The following MGARP variants were observed in gnomAD, a reference collection of about 807,000 sequenced individuals.
MGARP encodes protein MGARP.
Under a neutral mutation model 11.0 loss-of-function variants are expected in MGARP, and 12 were observed. The ratio of observed to expected loss-of-function variants is 1.09; its 90% CI spans 0.70 to 1.77. The LOEUF is 1.77. Among genes scored for constraint, MGARP ranks in the 40% most tolerant of loss-of-function variants. The probability of loss-of-function intolerance (pLI) is 0.00; values close to 1 mark genes in which losing one functional copy is unlikely to be tolerated. For missense variants in MGARP, 283 were observed against 297.8 expected, an observed-to-expected ratio of 0.95 and a Z score of 0.36; for synonymous variants, 110 against 115.4, an observed-to-expected ratio of 0.95 and a Z score of 0.30.
chr4:139,275,944 G>A (rs906821376), intron 1 of MGARP, among the ~76,000 whole-genome samples: 6 of 152,078 alleles, frequency 3.9e-5, no homozygotes, highest in South Asian at 2.1e-4. Context: ...CAGATAAAAC[G>A]TTTTTAAGCC....
rs757852782 is a variant in MGARP at position 139,266,656 on chromosome 4, T to C, written c.666A>G (p.Gly222=). ...NSPAESESSA[G]DDLQEEASVG... is the part of the protein sequence containing the mutation. ...CACTGGCTTCCTCCTGTAAATCATCTCCAGCAGAGGACTCTGACTCAGCTG... is the reference window on the plus strand; with the variant it reads ...CACTGGCTTCCTCCTGTAAATCATCCCCAGCAGAGGACTCTGACTCAGCTG... Residue 222 remains glycine, a synonymous_variant, in exon 4 of 4, where the codon GGA becomes GGG. Transcript: ENST00000398955. The C allele has an allele frequency of 3.1e-6, 5 of 1,614,114 alleles. No homozygotes were observed. The highest frequency in any genetic ancestry group is 4.2e-6 in the Non-Finnish European group (5 of 1,180,008).
chr4:139,269,529 G>A (rs574955374), intron 2 of MGARP, among the ~76,000 whole-genome samples: 52 of 151,694 alleles, frequency 3.4e-4, no homozygotes, highest in Non-Finnish European at 5.4e-4. Flanking sequence ...TACTCAGAAG[G>A]CTGAGGTGGG....
At chr4:139,270,255 G>A (rs1744758119) in intron 2 of MGARP, among the ~76,000 whole-genome samples, 1 of 146,306 alleles carries the variant, frequency 6.8e-6, no homozygotes, top group Non-Finnish European at 1.5e-5. Flanking sequence ...AGCCGAGATC[G>A]CACCATTGCA....
rs777009483 is a variant in MGARP, at chr4:139,280,165, C to T, written c.-7G>A. On this transcript the variant is annotated 5_prime_UTR_variant, in exon 1 of 4. Coordinates refer to ENST00000398955, the MANE Select transcript of MGARP (RefSeq NM_032623.4). ...CCGCCCTGCGGAGATACATCGCGCC[C>T]GCTGTCCGCCGCGCAGCAGCCTCGG... 3 of 1,604,770 alleles carry T rather than the reference C, an allele frequency of 1.9e-6. No individual in the cohort carries two copies. Among genetic ancestry groups the T allele is most frequent in the African/African-American group, 2.7e-5 (2 of 74,540 alleles).
At chr4:139,280,020 G>C in intron 1 of MGARP, 57 bp downstream of exon 1, 1 of 1,583,448 alleles carries the variant, frequency 6.3e-7, no homozygotes, top group East Asian at 2.3e-5. Context: ...CCTGGCGCGG[G>C]CGAAATCTGC....
intron 2 of MGARP, among the ~76,000 whole-genome samples, chr4:139,271,880 G>A (rs973378346): frequency 3.9e-5 from 6 of 152,160 alleles, no homozygotes; most frequent in Non-Finnish European, 5.9e-5. Flanking sequence ...GGGATGGCTG[G>A]TTTATAAATG....
At chr4:139,273,402 T>C (rs1435657072) in intron 2 of MGARP, among the ~76,000 whole-genome samples, 2 of 151,976 alleles carry the variant, frequency 1.3e-5, no homozygotes, top group African/African-American at 2.4e-5. Context: ...TTATTTTTTA[T>C]TGTAGAAATG....
intron 2 of MGARP, 108 bp downstream of exon 2, chr4:139,275,180 TG>T: frequency 2.5e-6 from 2 of 803,170 alleles, no homozygotes; most frequent in Middle Eastern, 2.3e-4. Context: ...TCTATTGCTA[TG>T]TTGTATATTT....
chr4:139,275,228 G>A, intron 2 of MGARP, 61 bp downstream of exon 2: 2 of 1,393,116 alleles, frequency 1.4e-6, no homozygotes, highest in South Asian at 1.2e-5. Flanking sequence ...GTTGCTTTGA[G>A]CTTTACCATG....
chr4:139,266,665 G>C lies in MGARP; in HGVS notation c.657C>G (p.Ser219=), dbSNP rs1366368731. Residue 219 remains serine (S), a synonymous_variant, in exon 4 of 4, where the codon TCC becomes TCG. Coordinates refer to ENST00000398955, the MANE Select transcript of MGARP (RefSeq NM_032623.4). Reference sequence around the variant, plus strand: ...CCTCCTGTAAATCATCTCCAGCAGAGGACTCTGACTCAGCTGGAGAATTTT... The same window carrying C: ...CCTCCTGTAAATCATCTCCAGCAGACGACTCTGACTCAGCTGGAGAATTTT... ...EEENSPAESE[S]SAGDDLQEEA... 1 of 1,614,000 alleles carries C rather than the reference G, an allele frequency of 6.2e-7. No individual in the cohort carries two copies. Among genetic ancestry groups the C allele is most frequent in the Non-Finnish European group, 8.5e-7 (1 of 1,180,042 alleles).
At chr4:139,278,583 CGT>C (rs150505211) in intron 1 of MGARP, among the ~76,000 whole-genome samples, 38 of 150,834 alleles carry the variant, frequency 2.5e-4, no homozygotes, top group African/African-American at 7.0e-4. Flanking sequence ...AAAAGGTGCG[CGT>C]GTGTGTGTGT....
At chr4:139,277,948 C>T (rs1420481672) in intron 1 of MGARP, among the ~76,000 whole-genome samples, 1 of 152,082 alleles carries the variant, frequency 6.6e-6, no homozygotes, top group Non-Finnish European at 1.5e-5. Context: ...CCTTTTAAGG[C>T]TGGGCTCGGT....
chr4:139,273,560 C>G (rs1368274852), intron 2 of MGARP, among the ~76,000 whole-genome samples: 1 of 145,590 alleles, frequency 6.9e-6, no homozygotes, highest in African/African-American at 2.5e-5. Flanking sequence ...TCTCACCCAG[C>G]CTGGAGTGCA....
At chr4:139,278,905 GAGTT>G (rs1042241115) in intron 1 of MGARP, among the ~76,000 whole-genome samples, 1 of 152,032 alleles carries the variant, frequency 6.6e-6, no homozygotes, top group African/African-American at 2.4e-5. Context: ...AAAATAAAGC[GAGTT>G]AGTTAGACCT....
intron 2 of MGARP, among the ~76,000 whole-genome samples, chr4:139,270,755 C>T (rs1406219396): frequency 6.6e-6 from 1 of 151,894 alleles, no homozygotes; most frequent in African/African-American, 2.4e-5. Context: ...ATATGATCAA[C>T]GGGAATGATA....
intron 1 of MGARP, among the ~76,000 whole-genome samples, chr4:139,275,953 C>A (rs905729839): frequency 7.2e-5 from 11 of 151,934 alleles, no homozygotes; most frequent in Admixed American, 7.2e-4. Flanking sequence ...CGTTTTTAAG[C>A]CAAATGTTGC....
intron 1 of MGARP, 41 bp downstream of exon 1, chr4:139,280,036 A>G (rs761226251): frequency 6.8e-5 from 109 of 1,602,770 alleles, no homozygotes; most frequent in Non-Finnish European, 9.0e-5. Context: ...TCTGCACCCG[A>G]GGCGCCCGTC....
chr4:139,273,010 C>T (rs1744810316), intron 2 of MGARP, among the ~76,000 whole-genome samples: 1 of 151,930 alleles, frequency 6.6e-6, no homozygotes. Flanking sequence ...TAGGTCCAAA[C>T]CAAAATATAG....
intron 1 of MGARP, 150 bp downstream of exon 1, chr4:139,279,927 G>T: frequency 1.3e-6 from 1 of 785,754 alleles, no homozygotes; most frequent in Non-Finnish European, 2.1e-6. Context: ...GTCTTCCCGG[G>T]AGTCTCCCCC....
Sources: allele counts gnomAD v4.1 joint callset (sites outside exome capture counted in the v4.1 genomes callset), GRCh38; gene constraint gnomAD v4.1.1; transcripts MANE v1.5; gene names NCBI Gene and HGNC (gene_info 2026-07-23, HGNC 2026-07-21).